Variants in ZNF543 observed in about 807,000 individuals in gnomAD.
ZNF543 encodes zinc finger protein 543.
A neutral mutation model predicts 13.4 loss-of-function variants in ZNF543; 10 were observed. The observed-to-expected ratio is 0.75, with a 90% CI of 0.46 to 1.26. The LOEUF is 1.26. Among genes scored for constraint, ZNF543 ranks in the 50% most tolerant of loss-of-function variants. The pLI is 0.00. For synonymous variants in ZNF543, 272 were observed against 264.7 expected, an observed-to-expected ratio of 1.03 and a Z score of -0.27; for missense variants, 768 against 741.2, an observed-to-expected ratio of 1.04 and a Z score of -0.42.
At position 57,328,080 on chromosome 19, in the gene ZNF543, A is replaced by T; in HGVS notation, c.618A>T (p.Lys206Asn). Residue 206 changes from lysine to asparagine, a missense_variant, in exon 4 of 4, where the codon AAA (lysine) becomes AAT (asparagine). Physicochemically the swap from Lys to Asn is moderately conservative, Grantham distance 94. Transcript: ENST00000321545. Reference protein sequence around the residue: ...KNSYKCEECGKVFKKNALLVQ... With the variant: ...KNSYKCEECGNVFKKNALLVQ... ...CCTATAAATGTGAGGAATGCGGGAAAGTGTTTAAAAAGAATGCCCTCCTTG... is the reference window on the plus strand; with the variant it reads ...CCTATAAATGTGAGGAATGCGGGAATGTGTTTAAAAAGAATGCCCTCCTTG... 6.2e-7 allele frequency: 1 copy of T among 1,614,264 alleles called. No homozygotes were observed. The highest frequency in any genetic ancestry group is 8.5e-7 in the Non-Finnish European group (1 of 1,180,036).
At position 57,320,749 on chromosome 19, in the gene ZNF543, C is replaced by T. The variant is rs541397482; in HGVS notation, c.-105C>T. 2.1e-6 allele frequency: 3 copies of T among 1,414,214 alleles called. No homozygotes were observed. The African/African-American group carries it at 4.3e-5, about 20-fold the overall frequency. The allele number at this position is 1,414,214 out of a possible 1,614,324, so 87.6% of individuals were successfully genotyped here. ...TTTTTCTCTGGGGAAACTGAGGCTC[C>T]GAGTGCGAAAGTCAGCCGAGGTCGC... is the stretch of plus-strand genomic sequence containing the variant. On this transcript the variant is annotated 5_prime_UTR_variant, in exon 1 of 4. Coordinates refer to ENST00000321545, the MANE Select transcript of ZNF543 (RefSeq NM_213598.4).
Position 57,329,053 on chromosome 19 carries a change from G to T in ZNF543, c.1591G>T (p.Gly531Ter). ...NLIRHSIIHT[G>*]EKPYECSECG... ...TATTCGACACTCCATCATTCACACTGGAGAGAAGCCGTATGAATGCAGTGA... is the reference window on the plus strand; with the variant it reads ...TATTCGACACTCCATCATTCACACTTGAGAGAAGCCGTATGAATGCAGTGA... The change falls in exon 4 of 4, where the codon GGA becomes TGA. Residue 531 changes from glycine to a stop codon, truncating the protein, a stop_gained. Coordinates refer to ENST00000321545, the MANE Select transcript of ZNF543 (RefSeq NM_213598.4). LOFTEE classifies it low-confidence loss of function (END_TRUNC). The T allele has an allele frequency of 6.2e-7, 1 of 1,614,170 alleles. No homozygotes were observed. Among genetic ancestry groups the T allele is most frequent in the Non-Finnish European group, 8.5e-7 (1 of 1,180,030 alleles).
intron 2 of ZNF543, among the ~76,000 whole-genome samples, chr19:57,325,606 G>A (rs2088115753): frequency 6.6e-6 from 1 of 152,172 alleles, no homozygotes; most frequent in Admixed American, 6.5e-5. Context: ...ACACTGGAGT[G>A]CAGTGGTACG....
rs1345955237 is a variant in ZNF543, at chr19:57,320,555, T to G, written c.-299T>G. The G allele has an allele frequency of 9.9e-6, 4 of 405,340 alleles. No homozygotes were observed. Among genetic ancestry groups the G allele is most frequent in the Non-Finnish European group, 4.5e-6 (1 of 222,094 alleles). The allele number at this position is 405,340 out of a possible 1,614,324, so 25.1% of individuals were successfully genotyped here. A position where few individuals can be genotyped will look rare whatever the true frequency, so the allele number is the denominator to read the frequency against. On this transcript the variant is annotated 5_prime_UTR_variant, in exon 1 of 4. Transcript: ENST00000321545. ...CGCTGGGTAGGCGCGTCCAGCGGCC[T>G]GAGCAGGGGAGGGTAATGAGGCTGT...
intron 1 of ZNF543, 147 bp downstream of exon 1, chr19:57,321,018 C>T: frequency 8.9e-7 from 1 of 1,120,592 alleles, no homozygotes; most frequent in South Asian, 1.4e-5. Context: ...TTCCTTTATC[C>T]GCAGTCCTGC....
At chr19:57,326,876 C>A (rs1466796816) in intron 3 of ZNF543, 148 bp downstream of exon 3, 2 of 161,322 alleles carry the variant, frequency 1.2e-5, no homozygotes, top group Admixed American at 9.3e-5. Context: ...CGCCCCCCCC[C>A]ACCCGCCTTC....
Position 57,328,575 on chromosome 19 carries a change from G to A in ZNF543, c.1113G>A (p.Glu371=). The A allele has an allele frequency of 6.2e-7, 1 of 1,613,230 alleles. No individual in the cohort carries two copies. The highest frequency in any genetic ancestry group is 8.5e-7 in the Non-Finnish European group (1 of 1,179,876). Residue 371 remains glutamate, a synonymous_variant, in exon 4 of 4, where the codon GAG becomes GAA. Coordinates refer to ENST00000321545, the MANE Select transcript of ZNF543 (RefSeq NM_213598.4). ...HTGVKPFECN[E]CGKAFCESAD... ...GAGTGAAACCCTTTGAATGCAACGA[G>A]TGTGGAAAAGCTTTTTGCGAGAGTG...
rs2088086733 is a variant in ZNF543, at chr19:57,320,962, CT to C, written c.18+94del. On this transcript the variant is annotated intron_variant, in intron 1 of 3. Transcript: ENST00000321545. The stretch of plus-strand genomic sequence containing the variant: ...AAGCCAAGACAGCCACAGGATGTTT[CT>C]TTGTCGCCGTCGTTTATTTAAGAGA... The C allele has an allele frequency of 1.7e-5, 27 of 1,555,992 alleles. 1 individual carries two copies. The South Asian group carries it at 2.9e-4, about 17-fold the overall frequency.
In ZNF543 at chr19:57,330,598, G is replaced by A. The variant is rs1343648247; in HGVS notation, c.*1333G>A. ...CCGGCATGCATATATGTAGGGATGT[G>A]TGACTTTCACAGTTGTCACCATGGA... On this transcript the variant is annotated 3_prime_UTR_variant, in exon 4 of 4. Coordinates refer to ENST00000321545, the MANE Select transcript of ZNF543 (RefSeq NM_213598.4). 1 of 152,144 alleles carries A rather than the reference G, an allele frequency of 6.6e-6. No individual in the cohort carries two copies. Among genetic ancestry groups the A allele is most frequent in the East Asian group, 1.9e-4 (1 of 5,190 alleles). The allele number at this position is 152,144 out of a possible 1,614,324, so 9.4% of individuals were successfully genotyped here.
At chr19:57,326,197 T>C (rs1193717437) in intron 2 of ZNF543, among the ~76,000 whole-genome samples, 2 of 152,240 alleles carry the variant, frequency 1.3e-5, no homozygotes, top group Non-Finnish European at 2.9e-5. Flanking sequence ...TTTCTCTTTT[T>C]TTGAGACGGA....
Position 57,328,161 on chromosome 19 carries a change from G to A in ZNF543, c.699G>A (p.Gly233=), listed in dbSNP as rs561023463. 6.2e-6 allele frequency: 10 copies of A among 1,614,184 alleles called. No homozygotes were observed. Among genetic ancestry groups the A allele is most frequent in the South Asian group, 1.1e-5 (1 of 91,086 alleles). The change falls in exon 4 of 4, where the codon GGG becomes GGA. Residue 233 remains glycine (G), a synonymous_variant. Coordinates refer to ENST00000321545, the MANE Select transcript of ZNF543 (RefSeq NM_213598.4). ...AGCCCTATGAATGCACAGAGTGTGG[G>A]AAAACCTTTAGCAAGAGCACTCATC... is the stretch of plus-strand genomic sequence containing the variant. ...QVKPYECTEC[G]KTFSKSTHLL... is the part of the protein sequence containing the mutation.
chr19:57,325,713 G>A (rs921033113), intron 2 of ZNF543, among the ~76,000 whole-genome samples: 2 of 152,088 alleles, frequency 1.3e-5, no homozygotes, highest in Non-Finnish European at 2.9e-5. Context: ...CACCACACCC[G>A]GCTACTTTTT....
Position 57,329,271 on chromosome 19 carries a change from A to T in ZNF543, c.*6A>T, listed in dbSNP as rs1368819572. ...CTGAAGAAAATCTGTGGTGAAAGGG[A>T]ACATCTTACCATCTGGCCATTCACA... On this transcript the variant is annotated 3_prime_UTR_variant, in exon 4 of 4. Transcript: ENST00000321545. 6.3e-7 allele frequency: 1 copy of T among 1,591,134 alleles called. No individual in the cohort carries two copies. The highest frequency in any genetic ancestry group is 1.3e-5 in the African/African-American group (1 of 74,134).
intron 2 of ZNF543, among the ~76,000 whole-genome samples, chr19:57,326,010 G>C (rs1389325780): frequency 6.6e-6 from 1 of 152,178 alleles, no homozygotes; most frequent in Non-Finnish European, 1.5e-5. Context: ...GTTGCCATTT[G>C]CAAGATGATG....
In ZNF543 at chr19:57,328,726, C is replaced by G. The variant is rs1352689048; in HGVS notation, c.1264C>G (p.Pro422Ala). ...QHQRIHTGEKPYECSECGKAF... is the reference protein window; with the variant it reads ...QHQRIHTGEKAYECSECGKAF... ...TCAACGGATTCACACTGGGGAGAAG[C>G]CTTATGAATGCAGTGAATGTGGAAA... is the stretch of plus-strand genomic sequence containing the variant. The change falls in exon 4 of 4, where the codon CCT (proline) becomes GCT (alanine). Residue 422 changes from proline to alanine, a missense_variant. Pro to Ala is a conservative substitution (Grantham distance 27, BLOSUM62 -1). Around this residue, in one of 3 missense-constraint regions of ZNF543, gnomAD observed 677 missense variants for 631.4 expected, o/e 1.07. Transcript: ENST00000321545. 3.7e-6 allele frequency: 6 copies of G among 1,613,780 alleles called. No individual in the cohort carries two copies. Among genetic ancestry groups the G allele is most frequent in the Non-Finnish European group, 5.1e-6 (6 of 1,180,006 alleles).
chr19:57,326,761 T>A (rs2122940022), intron 3 of ZNF543, 33 bp downstream of exon 3: 1 of 1,570,710 alleles, frequency 6.4e-7, no homozygotes, highest in Non-Finnish European at 8.7e-7. Flanking sequence ...GTGGGGGTCA[T>A]GGCAGCTTAC....
chr19:57,328,921 G>T lies in ZNF543; in HGVS notation c.1459G>T (p.Ala487Ser), dbSNP rs770289038. The T allele has an allele frequency of 1.2e-6, 2 of 1,614,032 alleles. No homozygotes were observed. ...KPYECVECGK[A>S]FNRSSHLTRH... ...CTATGAGTGCGTGGAGTGTGGAAAG[G>T]CCTTCAACCGCAGCTCACACCTCAC... The change falls in exon 4 of 4, where the codon GCC becomes TCC. Residue 487 changes from alanine (A) to serine (S), a missense_variant. Ala to Ser is a moderately conservative substitution (Grantham distance 99, BLOSUM62 1). This residue lies in a region of ZNF543 where 677 missense variants were observed against 631.4 expected (regional missense o/e 1.07). Transcript: ENST00000321545.
chr19:57,323,709 G>T lies in ZNF543; in HGVS notation c.46G>T (p.Val16Leu). ...GTCTGTGACCTTTGAGGATGTGGCT[G>T]TGACATTCACCCAGGAGGAGTGGGG... ...QVSVTFEDVAVTFTQEEWGQL... is the reference protein window; with the variant it reads ...QVSVTFEDVALTFTQEEWGQL... The change falls in exon 2 of 4, where the codon GTG (valine) becomes TTG (leucine). Residue 16 changes from valine to leucine, a missense_variant. Physicochemically the swap from Val to Leu is conservative, Grantham distance 32 (BLOSUM62 1). Around this residue, in one of 3 missense-constraint regions of ZNF543, gnomAD observed 77 missense variants for 75.5 expected, o/e 1.02. Transcript: ENST00000321545. 6.2e-7 allele frequency: 1 copy of T among 1,613,604 alleles called. No individual in the cohort carries two copies. The highest frequency in any genetic ancestry group is 8.5e-7 in the Non-Finnish European group (1 of 1,179,668).
intron 2 of ZNF543, among the ~76,000 whole-genome samples, chr19:57,324,319 C>T (rs1600052082): frequency 6.7e-6 from 1 of 149,260 alleles, no homozygotes; most frequent in Non-Finnish European, 1.5e-5. Flanking sequence ...TCACTACACT[C>T]CAGCCCAGGC....
Sources: allele counts gnomAD v4.1 joint callset (sites outside exome capture counted in the v4.1 genomes callset), GRCh38; gene constraint gnomAD v4.1.1; regional missense constraint gnomAD v4.1.1; transcripts MANE v1.5; gene names NCBI Gene and HGNC (gene_info 2026-07-23, HGNC 2026-07-21).